The following OPRL1 variants were observed in gnomAD, a reference collection of about 807,000 sequenced individuals.
OPRL1 encodes opioid related nociceptin receptor 1, also known as nociceptin receptor.
A neutral mutation model predicts 15.5 loss-of-function variants in OPRL1; 5 were observed. The observed-to-expected ratio is 0.32, with a 90% confidence interval of 0.17 to 0.68. OPRL1 has a LOEUF of 0.68. Among genes scored for constraint, OPRL1 ranks in the 30% least tolerant of loss-of-function variants. OPRL1 has a pLI of 0.72. For synonymous variants in OPRL1, 223 were observed against 230.2 expected, an observed-to-expected ratio of 0.97 and a Z score of 0.28; for missense variants, 406 against 515.3, an observed-to-expected ratio of 0.79 and a Z score of 2.05.
At chr20:64,092,532 C>T (rs1184167779) in intron 2 of OPRL1, among the ~76,000 whole-genome samples, 156 bp from the exon 3 acceptor site, 1 of 152,140 alleles carries the variant, frequency 6.6e-6, no homozygotes, top group Non-Finnish European at 1.5e-5. Flanking sequence ...TGCATGTGTG[C>T]CTGTGTGTTC....
At chr20:64,088,716 T>A (rs1206658130) in intron 1 of OPRL1, among the ~76,000 whole-genome samples, 594 of 12,808 alleles carry the variant, frequency 0.046, 9 homozygotes, top group Non-Finnish European at 0.052. Flanking sequence ...CTGTGCAGAG[T>A]GGCCAGGATC....
intron 1 of OPRL1, among the ~76,000 whole-genome samples, chr20:64,088,698 GCCAGGGTCTGT>G (rs2060083291): frequency 7.7e-5 from 9 of 116,504 alleles, no homozygotes; most frequent in African/African-American, 1.3e-4. Flanking sequence ...GTGCAGGGAG[GCCAGGGTCTGT>G]GCAGAGTGGC....
In OPRL1 at chr20:64,090,171, G is replaced by A. The variant is rs895545629; in HGVS notation, c.-184-1795G>A. ...CCCGTGTGTTTGTGCATCCCTGTGAGTGTCTGCATTTCTGAGTGTGTACCC... is the reference window on the plus strand; with the variant it reads ...CCCGTGTGTTTGTGCATCCCTGTGAATGTCTGCATTTCTGAGTGTGTACCC... On this transcript the variant is annotated intron_variant, in intron 1 of 4. Transcript: ENST00000336866. This position sits in a 1 kb window ranked among gnomAD's most constrained non-coding sequence, Gnocchi z 4.9. Among the ~76,000 whole-genome samples, 2 of 152,236 alleles carry A rather than the reference G, an allele frequency of 1.3e-5. No homozygotes were observed. The highest frequency in any genetic ancestry group is 2.9e-5 in the Non-Finnish European group (2 of 68,050).
rs1219377065 is a variant in OPRL1, at chr20:64,100,511, A to G, written c.*1712A>G. The G allele has an allele frequency of 6.6e-6, 1 of 152,188 alleles. No homozygotes were observed. The highest frequency in any genetic ancestry group is 1.5e-5 in the Non-Finnish European group (1 of 68,036). 9.4% of individuals were successfully genotyped at this position (152,188 alleles called of 1,614,324 possible). A position where few individuals can be genotyped will look rare whatever the true frequency, so the allele number is the denominator to read the frequency against. ...TGTTTTGTGAATCTGTGCTGATGTA[A>G]TGTGCACCTTCACGTATTTATGCAT... On this transcript the variant is annotated 3_prime_UTR_variant, in exon 5 of 5. Coordinates refer to ENST00000336866, the MANE Select transcript of OPRL1 (RefSeq NM_182647.4).
chr20:64,096,317 C>T (rs1979103712), intron 3 of OPRL1, among the ~76,000 whole-genome samples: 1 of 152,158 alleles, frequency 6.6e-6, no homozygotes, highest in Non-Finnish European at 1.5e-5. Context: ...AGCATGTTTC[C>T]AGCCAGTGGG....
intron 3 of OPRL1, among the ~76,000 whole-genome samples, chr20:64,096,591 C>T (rs1000441807): frequency 6.6e-6 from 1 of 152,074 alleles, no homozygotes; most frequent in Non-Finnish European, 1.5e-5. Flanking sequence ...CATAATCCCT[C>T]TCTAACAGGC....
intron 1 of OPRL1, chr20:64,084,202 CT>C: frequency 7.0e-7 from 1 of 1,425,122 alleles, no homozygotes; most frequent in Non-Finnish European, 9.1e-7. Flanking sequence ...GCCCGCCCTC[CT>C]TCGCTGGCGG....
chr20:64,084,117 G>A (rs1232875026), intron 1 of OPRL1: 3 of 1,471,544 alleles, frequency 2.0e-6, no homozygotes, highest in African/African-American at 1.5e-5. Context: ...TCTGTCGCGG[G>A]CGCCCCCTTG....
chr20:64,095,479 G>A (rs891870319), intron 3 of OPRL1, among the ~76,000 whole-genome samples: 3 of 151,536 alleles, frequency 2.0e-5, no homozygotes, highest in Non-Finnish European at 4.4e-5. Flanking sequence ...AGCAGAAAGG[G>A]AGGGTTTTCT....
rs1033588553 is a variant in OPRL1 at position 64,084,349 on chromosome 20, G to C, written c.-185+3997G>C. On this transcript the variant is annotated intron_variant, in intron 1 of 4. Transcript: ENST00000336866. Reference sequence around the variant, plus strand: ...CGCTGGGCTCTCCGCAGTCGGTTTTGAGTTCCGCACCCCCAGCCTCTGAGC... The same window carrying C: ...CGCTGGGCTCTCCGCAGTCGGTTTTCAGTTCCGCACCCCCAGCCTCTGAGC... The C allele has an allele frequency of 3.1e-6, 4 of 1,286,726 alleles. No homozygotes were observed. The Admixed American group carries it at 1.7e-4, about 55-fold the overall frequency. The allele number at this position is 1,286,726 out of a possible 1,614,324, so 79.7% of individuals were successfully genotyped here.
chr20:64,097,675 G>T lies in OPRL1; in HGVS notation c.234-127G>T. ...AGCTATCACTTACCAAGCCCCCATG[G>T]GAACTCTGATGTTAAGGGACTCAGG... On this transcript the variant is annotated intron_variant, in intron 3 of 4. Transcript: ENST00000336866. The surrounding 1 kb of genome is among the most constrained non-coding windows in gnomAD (Gnocchi z 4.2). 1.3e-6 allele frequency: 1 copy of T among 796,312 alleles called. No homozygotes were observed. 49.3% of individuals were successfully genotyped at this position (796,312 alleles called of 1,614,324 possible).
Position 64,089,426 on chromosome 20 carries a change from G to A in OPRL1, c.-184-2540G>A, listed in dbSNP as rs1051998272. On this transcript the variant is annotated intron_variant, in intron 1 of 4. Transcript: ENST00000336866. This position sits in a 1 kb window ranked among gnomAD's most constrained non-coding sequence, Gnocchi z 5.5. ...GTGAGAAGGCTTGGGGTCAAAAGAG[G>A]TGGGGGTCAGGGAGCTAGGTCTGAC... 6.6e-6 allele frequency among the ~76,000 whole-genome samples: 1 copy of A among 152,078 alleles called. No individual in the cohort carries two copies. The highest frequency in any genetic ancestry group is 1.5e-5 in the Non-Finnish European group (1 of 67,992).
rs757799727 is a variant in OPRL1, at chr20:64,092,784, C to T, written c.64C>T (p.Leu22=). 1 of 1,612,790 alleles carries T rather than the reference C, an allele frequency of 6.2e-7. No individual in the cohort carries two copies. The highest frequency in any genetic ancestry group is 1.7e-5 in the Admixed American group (1 of 60,030). Residue 22 remains leucine, a synonymous_variant, in exon 3 of 5, where the codon CTG becomes TTG. Coordinates refer to ENST00000336866, the MANE Select transcript of OPRL1 (RefSeq NM_182647.4). ...CTACGGCAGCCACCTTCAGGGCAAC[C>T]TGTCCCTCCTGAGCCCCAACCACAG... ...VIYGSHLQGN[L]SLLSPNHSLL...
chr20:64,095,580 G>A (rs1433811568), intron 3 of OPRL1, among the ~76,000 whole-genome samples: 1 of 151,610 alleles, frequency 6.6e-6, no homozygotes, highest in African/African-American at 2.4e-5. Flanking sequence ...AGGCCCGGTT[G>A]GGGGAACTCT....
intron 1 of OPRL1, among the ~76,000 whole-genome samples, chr20:64,091,470 G>A (rs1331767242): frequency 2.0e-5 from 3 of 152,248 alleles, no homozygotes; most frequent in African/African-American, 7.2e-5. Flanking sequence ...GTATGGTGGG[G>A]GTGACTGAGC....
In OPRL1 at chr20:64,098,734, C is replaced by T. The variant is rs755536231; in HGVS notation, c.1048C>T (p.Arg350Cys). ...RRDVQVSDRV[R>C]SIAKDVALAC... ...GGACGTGCAGGTGTCTGACCGCGTG[C>T]GCAGCATTGCCAAGGACGTGGCCCT... The change falls in exon 5 of 5, where the codon CGC becomes TGC. Residue 350 changes from arginine to cysteine, a missense_variant. Transcript: ENST00000336866. 19 of 1,610,972 alleles carry T rather than the reference C, an allele frequency of 1.2e-5. No homozygotes were observed. Among genetic ancestry groups the T allele is most frequent in the Middle Eastern group, 1.6e-4 (1 of 6,084 alleles).
At position 64,097,974 on chromosome 20, in the gene OPRL1, A is replaced by G; in HGVS notation, c.406A>G (p.Thr136Ala). 6.2e-7 allele frequency: 1 copy of G among 1,613,664 alleles called. No individual in the cohort carries two copies. The highest frequency in any genetic ancestry group is 8.5e-7 in the Non-Finnish European group (1 of 1,180,018). The stretch of plus-strand genomic sequence containing the variant: ...TGCCATTGACTACTACAACATGTTC[A>G]CCAGCACCTTCACCCTAACTGCCAT... ...VIAIDYYNMF[T>A]STFTLTAMSV... The change falls in exon 4 of 5, where the codon ACC (threonine) becomes GCC (alanine). Residue 136 changes from threonine to alanine, a missense_variant. Thr to Ala is a moderately conservative substitution (Grantham distance 58). Transcript: ENST00000336866. The surrounding 1 kb of genome is among the most constrained non-coding windows in gnomAD (Gnocchi z 4.2).
chr20:64,085,353 G>C (rs1439136892), intron 1 of OPRL1, among the ~76,000 whole-genome samples: 1 of 152,184 alleles, frequency 6.6e-6, no homozygotes, highest in Admixed American at 6.5e-5. Context: ...TAATGGGGCA[G>C]AACTCAGGAC....
Position 64,083,737 on chromosome 20 carries a change from A to AGCCCCGCCCC in OPRL1, c.-185+3397_-185+3406dup, listed in dbSNP as rs1331187235. On this transcript the variant is annotated intron_variant, in intron 1 of 4. Coordinates refer to ENST00000336866, the MANE Select transcript of OPRL1 (RefSeq NM_182647.4). The surrounding 1 kb of genome is among the most constrained non-coding windows in gnomAD (Gnocchi z 4.9). ...GGCCCGGGTAGCTGAGCGCGCGCCG[A>AGCCCCGCCCC]GCCCCGCCCCGCCCCGCCCCGGCCG... is the stretch of plus-strand genomic sequence containing the variant. The AGCCCCGCCCC allele has an allele frequency of 9.7e-6, 13 of 1,340,936 alleles. No individual in the cohort carries two copies. Among genetic ancestry groups the AGCCCCGCCCC allele is most frequent in the East Asian group, 6.2e-5 (2 of 32,132 alleles). 83.1% of individuals were successfully genotyped at this position (1,340,936 alleles called of 1,614,324 possible).
Sources: gnomAD v4.1 joint callset for allele counts (sites outside exome capture counted in the v4.1 genomes callset) on GRCh38, gnomAD v4.1.1 for gene constraint, Gnocchi (gnomAD v3.1) non-coding constraint, MANE v1.5 for transcripts, NCBI Gene and HGNC (gene_info 2026-07-23, HGNC 2026-07-21) for gene names.